The following HEMK2 variants were observed in gnomAD, a reference collection of about 807,000 sequenced individuals.
The protein encoded by HEMK2 is HemK methyltransferase 2, ETF1 glutamine and histone H4 lysine, also known as methyltransferase HEMK2.
the HEMK2 span, among the ~76,000 whole-genome samples, chr21:28,629,749 G>A: frequency 1.1e-4 from 17 of 152,174 alleles, no homozygotes; most frequent in Non-Finnish European, 1.9e-4. Context: ...GTCATGTGAA[G>A]GTTGTTTATC....
chr21:28,747,774 T>C, the HEMK2 span, among the ~76,000 whole-genome samples: 1 of 152,354 alleles, frequency 6.6e-6, no homozygotes, highest in East Asian at 1.9e-4. Flanking sequence ...TAGGACATCT[T>C]ATCCTTTGCA....
the HEMK2 span, among the ~76,000 whole-genome samples, chr21:28,803,984 C>T: frequency 0.026 from 4,028 of 152,294 alleles, 180 homozygotes; most frequent in African/African-American, 0.092. Flanking sequence ...CACTGTACTG[C>T]TAACAGAATT....
At chr21:28,836,778 T>C in the HEMK2 span, among the ~76,000 whole-genome samples, 4 of 149,806 alleles carry the variant, frequency 2.7e-5, no homozygotes, top group South Asian at 6.3e-4. Context: ...AGCTAACACA[T>C]AAGGACTCAC....
the HEMK2 span, among the ~76,000 whole-genome samples, chr21:28,692,060 C>T: frequency 6.6e-6 from 1 of 152,190 alleles, no homozygotes; most frequent in Admixed American, 6.5e-5. Context: ...TTAAAGAATA[C>T]ACCAGAATGG....
chr21:28,852,965 G>C, the HEMK2 span, among the ~76,000 whole-genome samples: 2 of 152,182 alleles, frequency 1.3e-5, no homozygotes, highest in African/African-American at 4.8e-5. Context: ...CCTGGCCCCT[G>C]CCACCTCGGG....
chr21:28,708,559 T>C, the HEMK2 span, among the ~76,000 whole-genome samples: 1 of 152,184 alleles, frequency 6.6e-6, no homozygotes, highest in Admixed American at 6.6e-5. Flanking sequence ...TACAGAAGGA[T>C]AGCTATGACA....
chr21:28,701,079 C>A, the HEMK2 span, among the ~76,000 whole-genome samples: 1 of 152,084 alleles, frequency 6.6e-6, no homozygotes, highest in Non-Finnish European at 1.5e-5. Flanking sequence ...GCAGAAAAAG[C>A]TTTTGATAAA....
chr21:28,841,156 TATATATA>T, the HEMK2 span, among the ~76,000 whole-genome samples: 1 of 32,280 alleles, frequency 3.1e-5, no homozygotes, highest in Non-Finnish European at 4.5e-5. Context: ...AATTATAATT[TATATATA>T]ATATATAATA....
At chr21:28,876,370 G>T in the HEMK2 span, 1 of 1,541,962 alleles carries the variant, frequency 6.5e-7, no homozygotes, top group Non-Finnish European at 8.8e-7. Flanking sequence ...AGTAGTTCTG[G>T]GCACACACTG....
At chr21:28,801,185 T>C in the HEMK2 span, among the ~76,000 whole-genome samples, 1 of 152,212 alleles carries the variant, frequency 6.6e-6, no homozygotes, top group Non-Finnish European at 1.5e-5. Flanking sequence ...CAGAGAGGCA[T>C]GTTGACAGGG....
At chr21:28,840,178 A>C in the HEMK2 span, among the ~76,000 whole-genome samples, 1 of 152,202 alleles carries the variant, frequency 6.6e-6, no homozygotes, top group African/African-American at 2.4e-5. Context: ...GGAGAATTAA[A>C]CTGGATCCTC....
the HEMK2 span, among the ~76,000 whole-genome samples, chr21:28,639,714 C>T: frequency 2.0e-5 from 3 of 152,150 alleles, no homozygotes; most frequent in Admixed American, 6.5e-5. Flanking sequence ...CATTCCATTG[C>T]TAAGAGAATT....
chr21:28,842,769 G>A, the HEMK2 span, among the ~76,000 whole-genome samples: 1 of 152,136 alleles, frequency 6.6e-6, no homozygotes, highest in Admixed American at 6.6e-5. Context: ...TATGAATGAT[G>A]AGACAAAGGT....
chr21:28,657,184 T>C, the HEMK2 span, among the ~76,000 whole-genome samples: 1 of 152,106 alleles, frequency 6.6e-6, no homozygotes, highest in African/African-American at 2.4e-5. Flanking sequence ...AATTTCCTAA[T>C]TTAAATGACC....
At chr21:28,831,716 AAGGAAGGAAGGAAG>A in the HEMK2 span, among the ~76,000 whole-genome samples, 2 of 134,862 alleles carry the variant, frequency 1.5e-5, no homozygotes, top group African/African-American at 5.9e-5. Flanking sequence ...GGAAGGAAGG[AAGGAAGGAAGGAAG>A]GAAGGAAAGA....
At chr21:28,656,039 A>G in the HEMK2 span, among the ~76,000 whole-genome samples, 1 of 152,234 alleles carries the variant, frequency 6.6e-6, no homozygotes, top group South Asian at 2.1e-4. Context: ...TTAAATATCC[A>G]ACTGAGTTTT....
chr21:28,758,923 G>C, the HEMK2 span, among the ~76,000 whole-genome samples: 2 of 152,100 alleles, frequency 1.3e-5, no homozygotes, highest in African/African-American at 2.4e-5. Flanking sequence ...CCCTCTCCAG[G>C]GCTACCAATG....
the HEMK2 span, among the ~76,000 whole-genome samples, chr21:28,643,549 G>T: frequency 6.6e-6 from 1 of 152,122 alleles, no homozygotes; most frequent in East Asian, 1.9e-4. Flanking sequence ...GCAAGGTCAT[G>T]CACACCTGTA....
the HEMK2 span, among the ~76,000 whole-genome samples, chr21:28,816,668 G>A: frequency 6.6e-6 from 1 of 152,188 alleles, no homozygotes; most frequent in Non-Finnish European, 1.5e-5. Flanking sequence ...GAGTCAGAGT[G>A]AGCCCTGTCT....
Sources: allele counts gnomAD v4.1 joint callset (sites outside exome capture counted in the v4.1 genomes callset), GRCh38; gene constraint gnomAD v4.1.1; transcripts MANE v1.5; gene names NCBI Gene and HGNC (gene_info 2026-07-23, HGNC 2026-07-21).